The following ADGRG6 variants were observed in gnomAD, a reference collection of about 807,000 sequenced individuals.
The protein encoded by ADGRG6 is G-protein coupled receptor 126.
Under a neutral mutation model 142.4 loss-of-function variants are expected in ADGRG6, and 84 were observed. The ratio of observed to expected loss-of-function variants is 0.59; its 90% CI spans 0.49 to 0.71. ADGRG6 has a LOEUF of 0.71. ADGRG6 is among the 30% of genes least tolerant of loss of function. The pLI is 0.00. For synonymous variants in ADGRG6, 521 were observed against 520.5 expected (o/e 1.00, Z -0.01); for missense variants, 1,367 against 1,466.6 (o/e 0.93, Z 1.11).
At chr6:142,314,971 A>AGTGTGTGTGTGTGTGTGTGTGT (rs58848776) in intron 2 of ADGRG6, among the ~76,000 whole-genome samples, 3 of 145,088 alleles carry the variant, frequency 2.1e-5, no homozygotes, top group East Asian at 2.0e-4. Context: ...CCAATCATGG[A>AGTGTGTGTGTGTGTGTGTGTGT]GTGTGTGTGT....
At chr6:142,359,260 C>G (rs1780605425) in intron 2 of ADGRG6, among the ~76,000 whole-genome samples, 2 of 151,188 alleles carry the variant, frequency 1.3e-5, no homozygotes, top group Admixed American at 1.3e-4. Context: ...TTTACCTTCC[C>G]CAAACTAAAA....
At chr6:142,405,480 G>T (rs1775754365) in intron 14 of ADGRG6, 2 of 659,776 alleles carry the variant, frequency 3.0e-6, no homozygotes, top group Non-Finnish European at 5.6e-6. Flanking sequence ...TTCTCCTTTG[G>T]CACACATGTA....
At chr6:142,350,959 G>T (rs528403768) in intron 2 of ADGRG6, among the ~76,000 whole-genome samples, 1 of 152,118 alleles carries the variant, frequency 6.6e-6, no homozygotes, top group Admixed American at 6.5e-5. Context: ...AAGTAGGCTG[G>T]GCACGGTGGC....
intron 3 of ADGRG6, among the ~76,000 whole-genome samples, chr6:142,369,711 T>C (rs1479526312): frequency 6.6e-6 from 1 of 152,134 alleles, no homozygotes; most frequent in Non-Finnish European, 1.5e-5. Flanking sequence ...ACAGGAATGT[T>C]TGGAAAGAGT....
intron 22 of ADGRG6, 120 bp downstream of exon 22, chr6:142,420,224 A>T (rs1252905358): frequency 4.0e-6 from 3 of 747,818 alleles, no homozygotes; most frequent in Non-Finnish European, 4.5e-6. Context: ...TGCTGAATAT[A>T]GTTCCATGTG....
intron 16 of ADGRG6, among the ~76,000 whole-genome samples, chr6:142,409,275 T>A (rs1470296182): frequency 1.3e-5 from 2 of 152,216 alleles, no homozygotes; most frequent in Non-Finnish European, 2.9e-5. Flanking sequence ...GTTTGTCCTT[T>A]GTGACTGGCT....
chr6:142,388,427 A>C (rs1318434757), intron 6 of ADGRG6, among the ~76,000 whole-genome samples: 1 of 152,120 alleles, frequency 6.6e-6, no homozygotes, highest in Non-Finnish European at 1.5e-5. Context: ...GTGGCTTTTC[A>C]GATACTCTGC....
At chr6:142,380,153 T>A (rs1781698396) in intron 4 of ADGRG6, among the ~76,000 whole-genome samples, 1 of 152,172 alleles carries the variant, frequency 6.6e-6, no homozygotes, top group South Asian at 2.1e-4. Context: ...CCAAGATTTT[T>A]TCATGCAGAT....
chr6:142,334,216 G>T (rs983056525), intron 2 of ADGRG6, among the ~76,000 whole-genome samples: 3 of 152,042 alleles, frequency 2.0e-5, no homozygotes, highest in African/African-American at 7.2e-5. Context: ...AATTCAGGAA[G>T]GAAGCTAAGA....
At chr6:142,374,482 A>G (rs1337921567) in intron 4 of ADGRG6, among the ~76,000 whole-genome samples, 2 of 152,252 alleles carry the variant, frequency 1.3e-5, no homozygotes, top group African/African-American at 4.8e-5. Context: ...TGCATGGCCA[A>G]CACAGCTGGA....
At chr6:142,352,299 T>C (rs2114779985) in intron 2 of ADGRG6, among the ~76,000 whole-genome samples, 1 of 152,288 alleles carries the variant, frequency 6.6e-6, no homozygotes, top group Middle Eastern at 3.4e-3. Context: ...GAGAATGAAA[T>C]CATTTCCTGT....
intron 2 of ADGRG6, among the ~76,000 whole-genome samples, chr6:142,358,470 A>G (rs1482595706): frequency 6.6e-6 from 1 of 152,218 alleles, no homozygotes; most frequent in African/African-American, 2.4e-5. Context: ...AGTTATTTCC[A>G]CAAACTGTCA....
chr6:142,381,868 C>G, intron 4 of ADGRG6, 83 bp from the exon 5 acceptor site: 1 of 836,118 alleles, frequency 1.2e-6, no homozygotes, highest in Non-Finnish European at 2.0e-6. Flanking sequence ...AGGGCTGCTT[C>G]TATTACATCA....
At chr6:142,406,255 A>T (rs1775803426) in intron 15 of ADGRG6, among the ~76,000 whole-genome samples, 1 of 148,456 alleles carries the variant, frequency 6.7e-6, no homozygotes, top group Non-Finnish European at 1.5e-5. Flanking sequence ...TCTTGGCTTT[A>T]ATCAGTTTTC....
intron 2 of ADGRG6, among the ~76,000 whole-genome samples, chr6:142,354,491 C>CA (rs1325940229): frequency 2.6e-5 from 4 of 152,140 alleles, no homozygotes; most frequent in Non-Finnish European, 5.9e-5. Flanking sequence ...TCATTTCATA[C>CA]ATTCTCTTTT....
At chr6:142,423,066 C>A (rs1482491600) in intron 22 of ADGRG6, among the ~76,000 whole-genome samples, 3 of 149,662 alleles carry the variant, frequency 2.0e-5, no homozygotes, top group African/African-American at 7.4e-5. Flanking sequence ...TGGATATTAG[C>A]CCTTTGTCAG....
At chr6:142,437,387 A>G in intron 22 of ADGRG6, 47 bp from the exon 23 acceptor site, 1 of 855,010 alleles carries the variant, frequency 1.2e-6, no homozygotes. Context: ...ATTTCTCTTT[A>G]AAGATGTGTC....
intron 2 of ADGRG6, among the ~76,000 whole-genome samples, chr6:142,313,210 G>A (rs1420368822): frequency 2.0e-5 from 3 of 151,960 alleles, no homozygotes; most frequent in East Asian, 3.9e-4. Context: ...GACCAGAGAG[G>A]CATAGAAGTG....
chr6:142,335,528 C>T (rs1779269273), intron 2 of ADGRG6, among the ~76,000 whole-genome samples: 1 of 152,120 alleles, frequency 6.6e-6, no homozygotes, highest in Non-Finnish European at 1.5e-5. Flanking sequence ...GAGAGAAAAG[C>T]TTTGGAGGGC....
Sources: gnomAD v4.1 joint callset for allele counts (sites outside exome capture counted in the v4.1 genomes callset) on GRCh38, gnomAD v4.1.1 for gene constraint, MANE v1.5 for transcripts, NCBI Gene and HGNC (gene_info 2026-07-23, HGNC 2026-07-21) for gene names.